Variants in MYT1L observed in about 807,000 individuals in gnomAD.
The protein encoded by MYT1L is myelin transcription factor 1 like.
In MYT1L, 12 loss-of-function variants were observed where a neutral mutation model predicts 126.7. The ratio of observed to expected loss-of-function variants is 0.09; its 90% CI spans 0.06 to 0.15. The LOEUF (loss-of-function observed/expected upper bound fraction) is 0.15. MYT1L is among the 10% of genes least tolerant of loss of function. The pLI, the probability that MYT1L is intolerant of heterozygous loss-of-function variation, is 1.00. For missense variants in MYT1L, 979 were observed against 1,585.2 expected, an observed-to-expected ratio of 0.62 and a Z score of 6.49; for synonymous variants, 541 against 604.2, an observed-to-expected ratio of 0.90 and a Z score of 1.53.
Position 2,331,060 on chromosome 2 carries a change from T to C in MYT1L, c.-614A>G, listed in dbSNP as rs1011107419. 2.0e-5 allele frequency: 3 copies of C among 152,016 alleles called. No homozygotes were observed. Among genetic ancestry groups the C allele is most frequent in the East Asian group, 1.9e-4 (1 of 5,178 alleles). The allele number at this position is 152,016 out of a possible 1,614,324, so 9.4% of individuals were successfully genotyped here. A position where few individuals can be genotyped will look rare whatever the true frequency, so the allele number is the denominator to read the frequency against. ...TACACAGACAGGGAAGAAAACCCTGTTCCACCACAAGTTTGAAAGGATGAT... is the reference window on the plus strand; with the variant it reads ...TACACAGACAGGGAAGAAAACCCTGCTCCACCACAAGTTTGAAAGGATGAT... On this transcript the variant is annotated 5_prime_UTR_variant, in exon 1 of 25. Transcript: ENST00000647738.
rs371812686 is a variant in MYT1L at position 1,922,746 on chromosome 2, G to A, written c.1023C>T (p.Leu341=). 1.4e-4 allele frequency: 234 copies of A among 1,613,816 alleles called. No individual in the cohort carries two copies. Among genetic ancestry groups the A allele is most frequent in the Non-Finnish European group, 1.9e-4 (224 of 1,179,906 alleles). The part of the protein sequence containing the change: ...RNQCFDLARK[L]SETNPQERNP... ...TCCTCTCCTGCGGGTTGGTCTCACT[G>A]AGCTTCCTGGCCAGGTCGAAGCACT... The change falls in exon 10 of 25, where the codon CTC becomes CTT. Residue 341 remains leucine, a synonymous_variant. Transcript: ENST00000647738. This position sits in a 1 kb window ranked among gnomAD's most constrained non-coding sequence, Gnocchi z 7.4.
chr2:2,024,935 C>G lies in MYT1L; in HGVS notation c.-157-27588G>C, dbSNP rs2065386151. Among the ~76,000 whole-genome samples, 7 of 152,274 alleles carry G rather than the reference C, an allele frequency of 4.6e-5. No homozygotes were observed. The South Asian group carries it at 1.4e-3, about 31-fold the overall frequency. ...CTCCCACCGCGTGGACGCGTTCCGC[C>G]TGTCCCACCACAGCTGCCCGTGCCC... On this transcript the variant is annotated intron_variant, in intron 4 of 24. Transcript: ENST00000647738.
chr2:1,960,278 G>A (rs899770834), intron 8 of MYT1L, among the ~76,000 whole-genome samples: 1 of 152,312 alleles, frequency 6.6e-6, no homozygotes. Flanking sequence ...GAAGAATGCA[G>A]AATGTGGACT....
chr2:2,266,921 A>G (rs1225975335), intron 2 of MYT1L, among the ~76,000 whole-genome samples: 1 of 152,208 alleles, frequency 6.6e-6, no homozygotes, highest in East Asian at 1.9e-4. Context: ...TGATTCCATT[A>G]AAGCTCTTTC....
chr2:1,922,341 C>T lies in MYT1L; in HGVS notation c.1428G>A (p.Glu476=), dbSNP rs1486479032. ...TGTCACTGGATTTAGGCTTTCTGTC[C>T]TCCCCGGGAAGTTGTCTCGGAGACT... ...EDQSPRQLPG[E]DRKPKSSDSH... Residue 476 remains glutamate (E), a synonymous_variant, in exon 10 of 25, where the codon GAG becomes GAA. Coordinates refer to ENST00000647738, the MANE Select transcript of MYT1L (RefSeq NM_001303052.2). The surrounding 1 kb of genome is among the most constrained non-coding windows in gnomAD (Gnocchi z 7.4). The T allele has an allele frequency of 1.9e-6, 3 of 1,613,932 alleles. No individual in the cohort carries two copies. The highest frequency in any genetic ancestry group is 1.3e-5 in the African/African-American group (1 of 75,028).
chr2:1,852,149 A>T lies in MYT1L; in HGVS notation c.2712-446T>A, dbSNP rs563836181. On this transcript the variant is annotated intron_variant, in intron 18 of 24. Transcript: ENST00000647738. The surrounding 1 kb of genome is among the most constrained non-coding windows in gnomAD (Gnocchi z 4.0). ...TTTTAGTCTGAACTCAGACCCCAGCACTGCAAAGGCACCCCTTCCACAGAC... is the reference window on the plus strand; with the variant it reads ...TTTTAGTCTGAACTCAGACCCCAGCTCTGCAAAGGCACCCCTTCCACAGAC... Among the ~76,000 whole-genome samples, 1 of 152,244 alleles carries T rather than the reference A, an allele frequency of 6.6e-6. No homozygotes were observed. Among genetic ancestry groups the T allele is most frequent in the Non-Finnish European group, 1.5e-5 (1 of 68,028 alleles).
intron 4 of MYT1L, among the ~76,000 whole-genome samples, chr2:2,008,517 T>G (rs1046021466): frequency 6.6e-6 from 1 of 152,218 alleles, no homozygotes; most frequent in African/African-American, 2.4e-5. Flanking sequence ...CCTTCGCTCA[T>G]TTGAGGATTA....
intron 21 of MYT1L, among the ~76,000 whole-genome samples, chr2:1,836,579 C>T (rs2040926615): frequency 6.6e-6 from 1 of 151,622 alleles, no homozygotes; most frequent in Non-Finnish European, 1.5e-5. Context: ...CAGCCCGCCC[C>T]CAATATTCCA....
chr2:1,993,562 T>A (rs945398152), intron 5 of MYT1L, among the ~76,000 whole-genome samples: 6 of 152,242 alleles, frequency 3.9e-5, no homozygotes, highest in Non-Finnish European at 7.3e-5. Flanking sequence ...TTCCTCAGAA[T>A]ATACCTACTA....
At chr2:2,221,029 T>C (rs2093850105) in intron 2 of MYT1L, among the ~76,000 whole-genome samples, 1 of 152,104 alleles carries the variant, frequency 6.6e-6, no homozygotes. Flanking sequence ...ATTAGCAGGG[T>C]CAACAATGGA....
chr2:2,133,107 C>T lies in MYT1L; in HGVS notation c.-304+39765G>A, dbSNP rs73913205. On this transcript the variant is annotated intron_variant, in intron 3 of 24. Transcript: ENST00000647738. The stretch of plus-strand genomic sequence containing the variant: ...GGGGACGAAGACACACGTTAAGAGA[C>T]GGCGCTTTTTGAATGTTTAGGGCAA... Among the ~76,000 whole-genome samples the T allele has an allele frequency of 8.7e-3, 1,321 of 152,254 alleles. 18 individuals carry two copies. Among genetic ancestry groups the T allele is most frequent in the African/African-American group, 0.026 (1,096 of 41,528 alleles).
At chr2:2,211,751 G>A (rs185550453) in intron 2 of MYT1L, among the ~76,000 whole-genome samples, 2 of 144,536 alleles carry the variant, frequency 1.4e-5, no homozygotes, top group East Asian at 4.1e-4. Context: ...GTTGCAGTGA[G>A]CCAAAATCGC....
intron 1 of MYT1L, among the ~76,000 whole-genome samples, chr2:2,311,612 G>A (rs1026284285): frequency 1.3e-5 from 2 of 152,176 alleles, no homozygotes; most frequent in Non-Finnish European, 2.9e-5. Flanking sequence ...GAACAGGAGT[G>A]TTGTGCATGC....
chr2:2,189,031 G>A (rs541646220), intron 2 of MYT1L, among the ~76,000 whole-genome samples: 3 of 152,248 alleles, frequency 2.0e-5, no homozygotes, highest in African/African-American at 4.8e-5. Context: ...CCTCCCCAGC[G>A]TAGCCAAGAA....
At chr2:2,061,110 G>A (rs1424542999) in intron 3 of MYT1L, among the ~76,000 whole-genome samples, 2 of 152,152 alleles carry the variant, frequency 1.3e-5, no homozygotes, top group Non-Finnish European at 2.9e-5. Context: ...TAGAGAGTGG[G>A]TACAGATAAT....
chr2:2,224,209 T>C lies in MYT1L; in HGVS notation c.-420-51221A>G, dbSNP rs2093953311. 6.6e-6 allele frequency among the ~76,000 whole-genome samples: 1 copy of C among 152,124 alleles called. No individual in the cohort carries two copies. The highest frequency in any genetic ancestry group is 6.6e-5 in the Admixed American group (1 of 15,264). On this transcript the variant is annotated intron_variant, in intron 2 of 24. Transcript: ENST00000647738. This position sits in a 1 kb window ranked among gnomAD's most constrained non-coding sequence, Gnocchi z 4.0. ...CTTCTGCCTTTCTTATAGGGAAGAA[T>C]TCTGTGACGAGTTGGCCCCTCCTTG...
intron 9 of MYT1L, among the ~76,000 whole-genome samples, chr2:1,926,541 GA>G (rs1277866523): frequency 3.3e-5 from 5 of 152,156 alleles, no homozygotes; most frequent in Admixed American, 3.3e-4. Flanking sequence ...CAAAAAGCAG[GA>G]GGCCATTTTA....
intron 3 of MYT1L, among the ~76,000 whole-genome samples, chr2:2,122,837 ATGTGTGTGTGTGTG>A (rs200951880): frequency 3.7e-5 from 5 of 135,506 alleles, no homozygotes; most frequent in East Asian, 4.5e-4. Context: ...GAGGATAGGA[ATGTGTGTGTGTGTG>A]TGTGTGTGTG....
intron 18 of MYT1L, among the ~76,000 whole-genome samples, chr2:1,867,756 C>T (rs2045778111): frequency 6.6e-6 from 1 of 152,146 alleles, no homozygotes; most frequent in South Asian, 2.1e-4. Flanking sequence ...TATAGATATG[C>T]TCATTAATGT....
Sources: gnomAD v4.1 joint callset for allele counts (sites outside exome capture counted in the v4.1 genomes callset) on GRCh38, gnomAD v4.1.1 for gene constraint, Gnocchi (gnomAD v3.1) non-coding constraint, MANE v1.5 for transcripts, NCBI Gene and HGNC (gene_info 2026-07-23, HGNC 2026-07-21) for gene names.